Variants in CTNNA2 observed in about 807,000 individuals in gnomAD.
CTNNA2 encodes the protein catenin alpha-2.
Under a neutral mutation model 101.0 loss-of-function variants are expected in CTNNA2, and 42 were observed. The observed-to-expected ratio is 0.42, with a 90% confidence interval of 0.32 to 0.54. CTNNA2 has a LOEUF of 0.54. Ranked by LOEUF, CTNNA2 falls within the 20% of genes least tolerant of loss-of-function variation. The probability of loss-of-function intolerance (pLI) is 0.14; values close to 1 mark genes in which losing one functional copy is unlikely to be tolerated. For missense variants in CTNNA2, 871 were observed against 1,223.1 expected (o/e 0.71, Z 4.29); for synonymous variants, 450 against 456.4 (o/e 0.99, Z 0.18).
At chr2:79,429,683 G>C (rs373046000) in intron 4 of CTNNA2, among the ~76,000 whole-genome samples, 1 of 152,254 alleles carries the variant, frequency 6.6e-6, no homozygotes, top group African/African-American at 2.4e-5. Context: ...ATTTTATGCA[G>C]TAGGAAATAC....
chr2:79,978,564 C>T (rs1240155609), intron 7 of CTNNA2, among the ~76,000 whole-genome samples: 1 of 152,040 alleles, frequency 6.6e-6, no homozygotes, highest in Admixed American at 6.6e-5. Context: ...TCTTTTAGTC[C>T]AGAATCAATA....
intron 4 of CTNNA2, among the ~76,000 whole-genome samples, chr2:79,432,630 T>A (rs1678670238): frequency 1.3e-5 from 2 of 152,102 alleles, no homozygotes; most frequent in Admixed American, 6.5e-5. Flanking sequence ...AAGGGTAAAA[T>A]CTGGGAAACT....
At chr2:79,499,295 C>A (rs13429335) in intron 4 of CTNNA2, 51,159 of 151,732 alleles carry the variant, frequency 0.34, 9,450 homozygotes, top group Non-Finnish European at 0.41. Context: ...AGAAAAAAAA[C>A]TGAATCTCAT....
intron 7 of CTNNA2, among the ~76,000 whole-genome samples, chr2:80,036,282 A>AAG (rs1695642659): frequency 6.6e-6 from 1 of 152,172 alleles, no homozygotes; most frequent in African/African-American, 2.4e-5. Context: ...TTCTAGGATT[A>AAG]GGAGACTGTA....
intron 3 of CTNNA2, among the ~76,000 whole-genome samples, chr2:79,821,625 A>G (rs1678012385): frequency 6.6e-6 from 1 of 152,250 alleles, no homozygotes; most frequent in Non-Finnish European, 1.5e-5. Context: ...AAAAACAAGT[A>G]TAAGATGCAA....
chr2:80,252,789 A>G lies in CTNNA2; in HGVS notation c.1057-140422A>G, dbSNP rs1671865314. The stretch of plus-strand genomic sequence containing the variant: ...AAGTTATGCAAGCTCACGAGGTTAC[A>G]AGAGGACTTGTAGGCGGCGACTTGT... On this transcript the variant is annotated intron_variant, in intron 7 of 18. Coordinates refer to ENST00000402739, the MANE Select transcript of CTNNA2 (RefSeq NM_001282597.3). Among the ~76,000 whole-genome samples, 3 of 152,148 alleles carry G rather than the reference A, an allele frequency of 2.0e-5. No homozygotes were observed. In the South Asian group the frequency reaches 6.2e-4, roughly 31 times the overall value.
At chr2:80,487,495 G>A (rs1206786402) in intron 9 of CTNNA2, among the ~76,000 whole-genome samples, 2 of 151,986 alleles carry the variant, frequency 1.3e-5, no homozygotes, top group Non-Finnish European at 2.9e-5. Flanking sequence ...TCACATGGTG[G>A]CAAGAAGAAG....
chr2:80,383,534 A>C (rs1288435261), intron 7 of CTNNA2, among the ~76,000 whole-genome samples: 1 of 152,206 alleles, frequency 6.6e-6, no homozygotes, highest in Non-Finnish European at 1.5e-5. Context: ...GGTTTGGCAC[A>C]CTACCTACAT....
intron 7 of CTNNA2, among the ~76,000 whole-genome samples, chr2:80,116,989 A>G (rs936978235): frequency 2.6e-5 from 4 of 151,772 alleles, no homozygotes; most frequent in African/African-American, 9.7e-5. Context: ...AAGGCTAGAC[A>G]TACATGGACA....
intron 15 of CTNNA2, among the ~76,000 whole-genome samples, chr2:80,593,684 T>A (rs1023923729): frequency 6.6e-6 from 1 of 152,208 alleles, no homozygotes; most frequent in African/African-American, 2.4e-5. Context: ...TCTATGAATT[T>A]GACTAATACA....
At chr2:80,155,341 G>T (rs1221208900) in intron 7 of CTNNA2, among the ~76,000 whole-genome samples, 1 of 152,170 alleles carries the variant, frequency 6.6e-6, no homozygotes, top group Admixed American at 6.5e-5. Context: ...AGTCGCTTTT[G>T]CTTATAATTT....
At chr2:79,610,329 AGT>A (rs1350228703) in intron 1 of CTNNA2, among the ~76,000 whole-genome samples, 1 of 152,126 alleles carries the variant, frequency 6.6e-6, no homozygotes, top group African/African-American at 2.4e-5. Flanking sequence ...GGGAAAATAT[AGT>A]GGTAAAAATA....
At chr2:80,640,743 T>G (rs2149854478) in intron 18 of CTNNA2, among the ~76,000 whole-genome samples, 1 of 152,288 alleles carries the variant, frequency 6.6e-6, no homozygotes, top group African/African-American at 2.4e-5. Context: ...TCTAATTCAT[T>G]AACAGCAAAG....
chr2:80,592,160 A>G (rs561619274), intron 15 of CTNNA2, among the ~76,000 whole-genome samples: 2 of 152,328 alleles, frequency 1.3e-5, no homozygotes, highest in East Asian at 1.9e-4. Context: ...AAAAACTTTC[A>G]GAGTACAACT....
rs370878525 is a variant in CTNNA2 at position 79,756,885 on chromosome 2, T to C, written c.298+12303T>C. 3.3e-5 allele frequency among the ~76,000 whole-genome samples: 5 copies of C among 152,212 alleles called. No homozygotes were observed. The East Asian group carries it at 5.8e-4, about 18-fold the overall frequency. ...AACAATGAGATTTTAATATCCTTAC[T>C]AGAATCACTAAAATCTCCAAAACTG... On this transcript the variant is annotated intron_variant, in intron 3 of 18. Coordinates refer to ENST00000402739, the MANE Select transcript of CTNNA2 (RefSeq NM_001282597.3).
intron 3 of CTNNA2, among the ~76,000 whole-genome samples, chr2:79,823,113 G>A (rs1678148045): frequency 6.6e-6 from 1 of 152,138 alleles, no homozygotes; most frequent in East Asian, 1.9e-4. Flanking sequence ...TCATAACAGA[G>A]CGACGACTTT....
rs190412877 is a variant in CTNNA2 at position 79,824,377 on chromosome 2, A to G, written c.299-33636A>G. Among the ~76,000 whole-genome samples, 190 of 152,282 alleles carry G rather than the reference A, an allele frequency of 1.2e-3. 1 individual carries two copies. The highest frequency in any genetic ancestry group is 4.3e-3 in the African/African-American group (180 of 41,558). On this transcript the variant is annotated intron_variant, in intron 3 of 18. Coordinates refer to ENST00000402739, the MANE Select transcript of CTNNA2 (RefSeq NM_001282597.3). ...GTTGTACAAGCCAATAAATGAATGT[A>G]TCCGTGGGCTGTGTTGGGGTCATAG... is the stretch of plus-strand genomic sequence containing the variant.
chr2:80,596,333 G>T (rs973161300), intron 15 of CTNNA2, among the ~76,000 whole-genome samples: 1 of 56,050 alleles, frequency 1.8e-5, no homozygotes, highest in Non-Finnish European at 3.7e-5. Flanking sequence ...TTTTTGAGAC[G>T]GAGTCTCGCT....
intron 4 of CTNNA2, among the ~76,000 whole-genome samples, chr2:79,413,265 G>A (rs1678438168): frequency 1.3e-5 from 2 of 151,982 alleles, no homozygotes; most frequent in Admixed American, 6.6e-5. Flanking sequence ...ACTTTTATGA[G>A]TTTGGCTCAT....
Sources: allele counts gnomAD v4.1 joint callset (sites outside exome capture counted in the v4.1 genomes callset), GRCh38; gene constraint gnomAD v4.1.1; transcripts MANE v1.5; gene names NCBI Gene and HGNC (gene_info 2026-07-23, HGNC 2026-07-21).